SLC6A5: variants seen among roughly 807,000 people sequenced by gnomAD.
SLC6A5 encodes the protein solute carrier family 6 member 5.
In SLC6A5, 58 loss-of-function variants were observed where a neutral mutation model predicts 90.5. That is an observed-to-expected ratio of 0.64 (90% CI 0.52 to 0.80). The LOEUF is 0.80. Ranked by LOEUF, SLC6A5 falls within the 30% of genes least tolerant of loss-of-function variation. SLC6A5 has a pLI of 0.00. For synonymous variants in SLC6A5, 427 were observed against 401.4 expected, an observed-to-expected ratio of 1.06 and a Z score of -0.76; for missense variants, 1,015 against 1,017.6, an observed-to-expected ratio of 1.00 and a Z score of 0.03.
rs537245391 is a variant in SLC6A5, at chr11:20,632,027, C to T, written c.1624+1212C>T. Among the ~76,000 whole-genome samples, 28 of 152,192 alleles carry T rather than the reference C, an allele frequency of 1.8e-4. No individual in the cohort carries two copies. The South Asian group carries it at 3.3e-3, about 18-fold the overall frequency. ...TAAAACCCTGAGGGGTGTTTGGTTC[C>T]GCAGCAATGCACTAAATTAGAGGGG... On this transcript the variant is annotated intron_variant, in intron 10 of 15. Transcript: ENST00000525748.
At chr11:20,643,882 A>G (rs1333147454) in intron 13 of SLC6A5, among the ~76,000 whole-genome samples, 1 of 152,190 alleles carries the variant, frequency 6.6e-6, no homozygotes, top group Non-Finnish European at 1.5e-5. Context: ...GGTGGCTGAC[A>G]TTCTCAGTCT....
At chr11:20,632,337 T>A (rs563401215) in intron 10 of SLC6A5, among the ~76,000 whole-genome samples, 1 of 152,298 alleles carries the variant, frequency 6.6e-6, no homozygotes, top group African/African-American at 2.4e-5. Context: ...TGGGCCAGGT[T>A]AGTAAATGAT....
intron 10 of SLC6A5, among the ~76,000 whole-genome samples, chr11:20,632,073 C>T (rs1437420372): frequency 6.6e-6 from 1 of 152,142 alleles, no homozygotes; most frequent in Non-Finnish European, 1.5e-5. Context: ...TAAGCAATGG[C>T]TCTCCCTGGT....
At chr11:20,636,450 A>G (rs767936753) in intron 11 of SLC6A5, 31 bp downstream of exon 11, 43 of 1,391,880 alleles carry the variant, frequency 3.1e-5, no homozygotes, top group Non-Finnish European at 4.1e-5. Flanking sequence ...TCTCTATCCC[A>G]TGCTCCTCTT....
chr11:20,613,631 G>A (rs1014978065), intron 5 of SLC6A5, among the ~76,000 whole-genome samples: 6 of 150,198 alleles, frequency 4.0e-5, no homozygotes, highest in Admixed American at 4.0e-4. Context: ...TGGTACCACC[G>A]ATGTTTTGGA....
rs754348968 is a variant in SLC6A5 at position 20,601,226 on chromosome 11, C to T, written c.101C>T (p.Thr34Met). 1 of 1,582,580 alleles carries T rather than the reference C, an allele frequency of 6.3e-7. No individual in the cohort carries two copies. The highest frequency in any genetic ancestry group is 1.1e-5 in the South Asian group (1 of 88,844). ...CCGGATGGCCCATGCGCTCCCAGGA[C>T]GAGCCCGGAGCAGGAGCTTCCCGCG... ...GHPDGPCAPR[T>M]SPEQELPAAA... Residue 34 changes from threonine (T) to methionine (M), a missense_variant, in exon 2 of 16, where the codon ACG (threonine) becomes ATG (methionine). Physicochemically the swap from Thr to Met is moderately conservative, Grantham distance 81. Around this residue, in one of 3 missense-constraint regions of SLC6A5, gnomAD observed 567 missense variants for 507.3 expected, o/e 1.12. Transcript: ENST00000525748.
At position 20,628,088 on chromosome 11, in the gene SLC6A5, G is replaced by A. The variant is rs376886042; in HGVS notation, c.1499+5G>A. 1.0e-4 allele frequency: 168 copies of A among 1,607,222 alleles called. 1 individual carries two copies. The highest frequency in any genetic ancestry group is 1.4e-4 in the Non-Finnish European group (166 of 1,173,848). ...ATTCCACAACAACTGCTACAGGTAT[G>A]TAGAGGTACTACAAGATCTGGGCAT... is the stretch of plus-strand genomic sequence containing the variant. On this transcript the variant is annotated splice_donor_5th_base_variant and intron_variant, in intron 9 of 15. Coordinates refer to ENST00000525748, the MANE Select transcript of SLC6A5 (RefSeq NM_004211.5).
chr11:20,614,757 C>G lies in SLC6A5; in HGVS notation c.1064C>G (p.Thr355Arg). Residue 355 changes from threonine (T) to arginine (R), a missense_variant, in exon 6 of 16, where the codon ACA becomes AGA. By Grantham distance (71) the Thr-to-Arg change is moderately conservative. Coordinates refer to ENST00000525748, the MANE Select transcript of SLC6A5 (RefSeq NM_004211.5). ...TFCMTAYPNV[T>R]MVNFTSQANK... ...TGCATGACCGCTTATCCCAACGTGA[C>G]AATGGTTAATTTCACCAGCCAGGCC... 6.2e-7 allele frequency: 1 copy of G among 1,613,694 alleles called. No individual in the cohort carries two copies. Among genetic ancestry groups the G allele is most frequent in the Non-Finnish European group, 8.5e-7 (1 of 1,179,590 alleles).
chr11:20,603,747 C>T (rs551748729), intron 2 of SLC6A5, among the ~76,000 whole-genome samples: 7 of 152,268 alleles, frequency 4.6e-5, no homozygotes, highest in Non-Finnish European at 8.8e-5. Flanking sequence ...TGGCTGGCTT[C>T]GGCATTGCAG....
chr11:20,641,278 G>T (rs1440941843), intron 13 of SLC6A5, among the ~76,000 whole-genome samples: 3 of 152,132 alleles, frequency 2.0e-5, no homozygotes, highest in Non-Finnish European at 4.4e-5. Flanking sequence ...GCTCTTCATT[G>T]TGTATTTCCC....
intron 3 of SLC6A5, 144 bp from the exon 4 acceptor site, chr11:20,606,863 G>A: frequency 3.2e-6 from 3 of 947,094 alleles, no homozygotes; most frequent in Non-Finnish European, 4.9e-6. Context: ...TGCTGAAACA[G>A]GACATCAAAG....
chr11:20,626,890 TG>T, intron 8 of SLC6A5, 48 bp downstream of exon 8: 1 of 1,544,718 alleles, frequency 6.5e-7, no homozygotes, highest in Non-Finnish European at 9.0e-7. Flanking sequence ...AGTGGCCCTC[TG>T]GGAGGCTTGG....
chr11:20,620,597 GAACACTGTGTGCC>G (rs952238643), intron 7 of SLC6A5, among the ~76,000 whole-genome samples: 3 of 152,128 alleles, frequency 2.0e-5, no homozygotes, highest in African/African-American at 7.2e-5. Flanking sequence ...GAGCTTTGTT[GAACACTGTGTGCC>G]AGGCACTGTG....
chr11:20,626,255 T>C (rs902970142), intron 7 of SLC6A5, among the ~76,000 whole-genome samples: 2 of 152,246 alleles, frequency 1.3e-5, no homozygotes, highest in East Asian at 1.9e-4. Context: ...TCTAATATCA[T>C]GTTCTTCTGA....
chr11:20,624,104 A>T (rs1400072251), intron 7 of SLC6A5, among the ~76,000 whole-genome samples: 1 of 150,868 alleles, frequency 6.6e-6, no homozygotes, highest in African/African-American at 2.4e-5. Context: ...AAGTATGTAT[A>T]TTCATTTGAA....
intron 5 of SLC6A5, among the ~76,000 whole-genome samples, chr11:20,609,467 G>A (rs1364331545): frequency 1.3e-5 from 2 of 152,076 alleles, no homozygotes; most frequent in East Asian, 3.9e-4. Context: ...AGTTGATGGT[G>A]GCCTGACTTG....
chr11:20,604,936 T>C (rs994151357), intron 3 of SLC6A5, among the ~76,000 whole-genome samples: 6 of 152,204 alleles, frequency 3.9e-5, no homozygotes, highest in African/African-American at 1.4e-4. Flanking sequence ...TTCTGCTTCT[T>C]GAAGCAGAAC....
At chr11:20,647,435 T>A (rs1038159512) in intron 14 of SLC6A5, among the ~76,000 whole-genome samples, 1 of 143,040 alleles carries the variant, frequency 7.0e-6, no homozygotes, top group African/African-American at 2.6e-5. Context: ...ATAGTTCCTA[T>A]TATATATATA....
Position 20,636,631 on chromosome 11 carries a change from C to G in SLC6A5, c.1737+212C>G, listed in dbSNP as rs113713707. 0.017 allele frequency among the ~76,000 whole-genome samples: 2,589 copies of G among 152,240 alleles called. 84 individuals are homozygous for G. The highest frequency in any genetic ancestry group is 0.06 in the African/African-American group (2,490 of 41,540). On this transcript the variant is annotated intron_variant, in intron 11 of 15. Coordinates refer to ENST00000525748, the MANE Select transcript of SLC6A5 (RefSeq NM_004211.5). ...TAATGGTGCAAGAGAGTCATCCTCTCTCCTTCCTTCTCCCTCTGTTCTATG... is the reference window on the plus strand; with the variant it reads ...TAATGGTGCAAGAGAGTCATCCTCTGTCCTTCCTTCTCCCTCTGTTCTATG...
Sources: allele counts gnomAD v4.1 joint callset (sites outside exome capture counted in the v4.1 genomes callset), GRCh38; gene constraint gnomAD v4.1.1; regional missense constraint gnomAD v4.1.1; transcripts MANE v1.5; gene names NCBI Gene and HGNC (gene_info 2026-07-23, HGNC 2026-07-21).